Variants in GPC6 observed in about 807,000 individuals in gnomAD.
GPC6 encodes the protein glypican-6.
GPC6 carries 14 observed loss-of-function variants against 55.2 expected under a neutral mutation model. The observed-to-expected ratio is 0.25, with a 90% CI of 0.17 to 0.40. The LOEUF is 0.40. GPC6 is among the 10% of genes least tolerant of loss of function. The probability of loss-of-function intolerance (pLI) is 1.00; values close to 1 mark genes in which losing one functional copy is unlikely to be tolerated. For missense variants in GPC6, 641 were observed against 708.5 expected (o/e 0.90, Z 1.08); for synonymous variants, 278 against 259.6 (o/e 1.07, Z -0.68).
intron 6 of GPC6, among the ~76,000 whole-genome samples, chr13:94,312,968 G>C (rs984343765): frequency 2.6e-5 from 4 of 152,166 alleles, no homozygotes; most frequent in Middle Eastern, 3.2e-3. Context: ...GGTCTTGCCT[G>C]AACCTGCTTT....
At chr13:94,246,884 T>A (rs774164248) in intron 4 of GPC6, among the ~76,000 whole-genome samples, 1 of 152,060 alleles carries the variant, frequency 6.6e-6, no homozygotes, top group Non-Finnish European at 1.5e-5. Flanking sequence ...ATTTTAGGAT[T>A]GTTTTTTCTA....
intron 1 of GPC6, among the ~76,000 whole-genome samples, chr13:93,513,349 T>A (rs1881056782): frequency 6.6e-6 from 1 of 152,212 alleles, no homozygotes; most frequent in Non-Finnish European, 1.5e-5. Context: ...CTTTTCATTT[T>A]CTGCCTTCTT....
rs370651412 is a variant in GPC6 at position 94,346,897 on chromosome 13, TC to T, written c.1153-35515del. The stretch of plus-strand genomic sequence containing the variant: ...AGTAAGAAGTAAAGAGAGTGACACT[TC>T]CAGAGATGACTGTAAGCTTTGTCTC... On this transcript the variant is annotated intron_variant, in intron 6 of 8. Coordinates refer to ENST00000377047, the MANE Select transcript of GPC6 (RefSeq NM_005708.5). Among the ~76,000 whole-genome samples the T allele has an allele frequency of 5.8e-4, 88 of 152,124 alleles. No individual in the cohort carries two copies. The East Asian group carries it at 0.013, about 22-fold the overall frequency.
At chr13:94,170,877 A>C (rs184144085) in intron 4 of GPC6, among the ~76,000 whole-genome samples, 11 of 152,312 alleles carry the variant, frequency 7.2e-5, no homozygotes, top group Non-Finnish European at 1.6e-4. Flanking sequence ...AGTGGGACTT[A>C]CAGGCTTTCT....
rs1172278880 is a variant in GPC6, at chr13:93,516,083, G to A, written c.161-29180G>A. ...AAAGCTCTTTCAGAACTCTGTTACT[G>A]TAGAAGCTTGCCATGTGAAAAATTC... On this transcript the variant is annotated intron_variant, in intron 1 of 8. Coordinates refer to ENST00000377047, the MANE Select transcript of GPC6 (RefSeq NM_005708.5). Among the ~76,000 whole-genome samples the A allele has an allele frequency of 2.0e-5, 3 of 152,118 alleles. No homozygotes were observed. The East Asian group carries it at 5.8e-4, about 29-fold the overall frequency.
chr13:94,379,905 C>A (rs1297566429), intron 6 of GPC6, among the ~76,000 whole-genome samples: 1 of 152,176 alleles, frequency 6.6e-6, no homozygotes, highest in African/African-American at 2.4e-5. Flanking sequence ...TTGGAGTGAT[C>A]AGTAGTTAGA....
At chr13:93,231,504 G>A (rs1399431471) in intron 1 of GPC6, among the ~76,000 whole-genome samples, 3 of 147,342 alleles carry the variant, frequency 2.0e-5, no homozygotes, top group Non-Finnish European at 4.5e-5. Context: ...TGCTAAATAC[G>A]TTTCTATTTT....
chr13:93,664,766 C>T lies in GPC6; in HGVS notation c.319+119345C>T, dbSNP rs1025227349. Among the ~76,000 whole-genome samples, 4 of 152,016 alleles carry T rather than the reference C, an allele frequency of 2.6e-5. No homozygotes were observed. In the East Asian group the frequency reaches 5.8e-4, roughly 22 times the overall value. On this transcript the variant is annotated intron_variant, in intron 2 of 8. Coordinates refer to ENST00000377047, the MANE Select transcript of GPC6 (RefSeq NM_005708.5). Reference sequence around the variant, plus strand: ...CTGAGTAGCTGGGATTACAGGCATGCGCCACCACGCCTGGCACACAAGCCA... The same window carrying T: ...CTGAGTAGCTGGGATTACAGGCATGTGCCACCACGCCTGGCACACAAGCCA...
At chr13:93,990,254 A>C (rs1881235410) in intron 3 of GPC6, among the ~76,000 whole-genome samples, 1 of 152,018 alleles carries the variant, frequency 6.6e-6, no homozygotes, top group African/African-American at 2.4e-5. Context: ...AAAGGACAGT[A>C]ATGTCTGCCT....
At chr13:93,753,544 T>C (rs1377697385) in intron 2 of GPC6, among the ~76,000 whole-genome samples, 1 of 152,178 alleles carries the variant, frequency 6.6e-6, no homozygotes, top group Admixed American at 6.6e-5. Context: ...TCATGAAGAA[T>C]GCGGTATCCA....
At chr13:93,356,681 T>C (rs556215451) in intron 1 of GPC6, among the ~76,000 whole-genome samples, 4 of 152,318 alleles carry the variant, frequency 2.6e-5, no homozygotes, top group Non-Finnish European at 4.4e-5. Flanking sequence ...AGCATTGGTA[T>C]TGAAGACAAA....
chr13:94,371,574 A>C (rs1167047705), intron 6 of GPC6, among the ~76,000 whole-genome samples: 5 of 152,200 alleles, frequency 3.3e-5, no homozygotes, highest in Non-Finnish European at 7.3e-5. Context: ...GATCGAATGC[A>C]CGTGAGGGCC....
intron 1 of GPC6, among the ~76,000 whole-genome samples, chr13:93,474,492 G>A (rs1278146463): frequency 2.6e-5 from 4 of 152,106 alleles, no homozygotes; most frequent in Non-Finnish European, 5.9e-5. Context: ...AGTTACCACT[G>A]TTTACCATGA....
At chr13:93,438,560 A>G (rs1194770219) in intron 1 of GPC6, among the ~76,000 whole-genome samples, 1 of 152,168 alleles carries the variant, frequency 6.6e-6, no homozygotes. Context: ...AGAATGAGAA[A>G]TAGAAGGGTA....
chr13:93,436,977 ATTAAT>A (rs1877596530), intron 1 of GPC6, among the ~76,000 whole-genome samples: 1 of 151,760 alleles, frequency 6.6e-6, no homozygotes, highest in Non-Finnish European at 1.5e-5. Context: ...ACAGAATATG[ATTAAT>A]TTGTGTCTCT....
chr13:94,185,385 G>A (rs551031897), intron 4 of GPC6, among the ~76,000 whole-genome samples: 1 of 152,034 alleles, frequency 6.6e-6, no homozygotes, highest in East Asian at 1.9e-4. Flanking sequence ...ACACATTAGG[G>A]TTATCACCAT....
chr13:93,423,498 G>A (rs1209659390), intron 1 of GPC6, among the ~76,000 whole-genome samples: 1 of 152,084 alleles, frequency 6.6e-6, no homozygotes, highest in African/African-American at 2.4e-5. Flanking sequence ...AAGCAAAAAT[G>A]TTTTTGTTAT....
intron 6 of GPC6, among the ~76,000 whole-genome samples, chr13:94,323,989 A>T (rs1594168851): frequency 6.6e-6 from 1 of 152,170 alleles, no homozygotes; most frequent in Non-Finnish European, 1.5e-5. Context: ...GTCGCTGAGG[A>T]CTAGAAGAGA....
intron 1 of GPC6, among the ~76,000 whole-genome samples, chr13:93,415,944 T>C (rs1170823116): frequency 6.6e-6 from 1 of 152,076 alleles, no homozygotes; most frequent in Admixed American, 6.6e-5. Context: ...ATATGTTCAG[T>C]TTATCAACAT....
Sources: gnomAD v4.1 joint callset for allele counts (sites outside exome capture counted in the v4.1 genomes callset) on GRCh38, gnomAD v4.1.1 for gene constraint, MANE v1.5 for transcripts, NCBI Gene and HGNC (gene_info 2026-07-23, HGNC 2026-07-21) for gene names.